Variants in TENT4A observed in about 807,000 individuals in gnomAD.
TENT4A encodes the protein DNA polymerase kappa.
TENT4A carries 7 observed loss-of-function variants against 72.8 expected under a neutral mutation model. The ratio of observed to expected loss-of-function variants is 0.10; its 90% CI spans 0.05 to 0.18. The LOEUF (loss-of-function observed/expected upper bound fraction) is 0.18, where lower values mean the gene tolerates loss of function less well. TENT4A is among the 10% of genes least tolerant of loss of function. The pLI, the probability that TENT4A is intolerant of heterozygous loss-of-function variation, is 1.00. For synonymous variants in TENT4A, 456 were observed against 434.3 expected (o/e 1.05, Z -0.62); for missense variants, 831 against 1,017.7 (o/e 0.82, Z 2.50).
chr5:6,717,385 T>C (rs1241502977), intron 1 of TENT4A, among the ~76,000 whole-genome samples: 3 of 152,368 alleles, frequency 2.0e-5, no homozygotes, highest in Non-Finnish European at 4.4e-5. Flanking sequence ...GAGCCTGCTG[T>C]GGAGCATTGG....
chr5:6,716,375 C>G (rs1579444050), intron 1 of TENT4A, among the ~76,000 whole-genome samples: 2 of 152,170 alleles, frequency 1.3e-5, no homozygotes, highest in Non-Finnish European at 2.9e-5. Flanking sequence ...TGTGCAGGTC[C>G]CCTCTCACGC....
intron 4 of TENT4A, among the ~76,000 whole-genome samples, chr5:6,740,119 GT>G (rs1327727278): frequency 6.6e-6 from 1 of 152,164 alleles, no homozygotes; most frequent in Non-Finnish European, 1.5e-5. Flanking sequence ...ATATATGATT[GT>G]GTCTACTTGT....
Position 6,713,734 on chromosome 5 carries a change from G to A in TENT4A, c.-250G>A, listed in dbSNP as rs1421455411. The A allele has an allele frequency of 2.7e-5, 4 of 145,670 alleles. No homozygotes were observed. The highest frequency in any genetic ancestry group is 9.9e-5 in the African/African-American group (4 of 40,376). The allele number at this position is 145,670 out of a possible 1,614,324, so 9.0% of individuals were successfully genotyped here. Reference sequence around the variant, plus strand: ...GCAGCCGCCCGCTGGGACGCGCCAAGCGCCGGAGCCGCCCGCCGCGGCCTG... The same window carrying A: ...GCAGCCGCCCGCTGGGACGCGCCAAACGCCGGAGCCGCCCGCCGCGGCCTG... On this transcript the variant is annotated 5_prime_UTR_variant, in exon 1 of 13. Transcript: ENST00000230859.
At chr5:6,719,829 C>T (rs746660873) in intron 1 of TENT4A, among the ~76,000 whole-genome samples, 1 of 152,190 alleles carries the variant, frequency 6.6e-6, no homozygotes, top group Non-Finnish European at 1.5e-5. Flanking sequence ...AACATAAACT[C>T]AGAGGCTTAG....
rs1388051836 is a variant in TENT4A, at chr5:6,739,798, G to A, written c.954G>A (p.Leu318=). ...RPPLQLLEQA[L]RKHNVAEPCS... is the part of the protein sequence containing the mutation. ...CTTTACAGCTGCTGGAGCAAGCCCT[G>A]CGGAAGCACAACGTGGCTGAGCCGT... Residue 318 remains leucine, a synonymous_variant, in exon 4 of 13, where the codon CTG becomes CTA. Transcript: ENST00000230859. The A allele has an allele frequency of 6.2e-7, 1 of 1,614,214 alleles. No individual in the cohort carries two copies. The highest frequency in any genetic ancestry group is 1.7e-5 in the Admixed American group (1 of 60,032).
chr5:6,732,007 C>A (rs880993), intron 1 of TENT4A, among the ~76,000 whole-genome samples: 1 of 152,126 alleles, frequency 6.6e-6, no homozygotes, highest in East Asian at 1.9e-4. Context: ...CTTTTTTGCC[C>A]TTTAGTTCCT....
intron 1 of TENT4A, among the ~76,000 whole-genome samples, chr5:6,731,058 G>A (rs1321903458): frequency 1.3e-5 from 2 of 152,142 alleles, no homozygotes; most frequent in Non-Finnish European, 2.9e-5. Context: ...TTGTTGTTTT[G>A]GTGTAATCGT....
At chr5:6,742,646 T>C in intron 5 of TENT4A, 49 bp downstream of exon 5, 2 of 1,076,134 alleles carry the variant, frequency 1.9e-6, no homozygotes, top group Non-Finnish European at 2.9e-6. Flanking sequence ...ACTGGAGTGC[T>C]TGTGCTTGGT....
At chr5:6,747,147 A>G (rs1742147944) in intron 7 of TENT4A, among the ~76,000 whole-genome samples, 2 of 152,176 alleles carry the variant, frequency 1.3e-5, no homozygotes, top group African/African-American at 4.8e-5. Context: ...ACAAATTTTG[A>G]TTGAGCGTCT....
In TENT4A at chr5:6,714,153, C is replaced by A; in HGVS notation, c.170C>A (p.Ala57Asp). The A allele has an allele frequency of 3.1e-6, 3 of 973,138 alleles. No individual in the cohort carries two copies. Among genetic ancestry groups the A allele is most frequent in the Non-Finnish European group, 3.6e-6 (3 of 824,512 alleles). 60.3% of individuals were successfully genotyped at this position (973,138 alleles called of 1,614,324 possible). ...ALDTAAAAGA[A>D]GRGSGGLGPA... is the part of the protein sequence containing the mutation. ...GACACGGCGGCCGCGGCGGGGGCGGCCGGGCGGGGCAGTGGCGGCCTGGGC... is the reference window on the plus strand; with the variant it reads ...GACACGGCGGCCGCGGCGGGGGCGGACGGGCGGGGCAGTGGCGGCCTGGGC... Residue 57 changes from alanine (A) to aspartate (D), a missense_variant, in exon 1 of 13, where the codon GCC (alanine) becomes GAC (aspartate). Ala to Asp is a moderately radical substitution (Grantham distance 126). Around this residue, in one of 3 missense-constraint regions of TENT4A, gnomAD observed 302 missense variants for 293.8 expected, o/e 1.03. Transcript: ENST00000230859.
intron 6 of TENT4A, 111 bp from the exon 7 acceptor site, chr5:6,746,103 A>G: frequency 6.4e-7 from 1 of 1,565,324 alleles, no homozygotes; most frequent in Non-Finnish European, 8.6e-7. Context: ...AGCGAGTGCC[A>G]CTCACTGGTA....
chr5:6,742,103 C>T (rs951399729), intron 4 of TENT4A, among the ~76,000 whole-genome samples: 1 of 152,146 alleles, frequency 6.6e-6, no homozygotes, highest in South Asian at 2.1e-4. Flanking sequence ...AAAATGGCTT[C>T]GAAGTTACAT....
intron 1 of TENT4A, 132 bp from the exon 2 acceptor site, chr5:6,737,378 C>T (rs1741561280): frequency 2.6e-6 from 2 of 777,770 alleles, no homozygotes; most frequent in South Asian, 3.6e-5. Context: ...TCATTTTATA[C>T]TTTCAGAGGA....
chr5:6,747,165 G>A (rs1363468262), intron 7 of TENT4A, among the ~76,000 whole-genome samples: 1 of 152,198 alleles, frequency 6.6e-6, no homozygotes, highest in Non-Finnish European at 1.5e-5. Context: ...TCTGTTAGGT[G>A]AGATACCATT....
At chr5:6,722,328 C>T (rs573544984) in intron 1 of TENT4A, among the ~76,000 whole-genome samples, 107 of 152,238 alleles carry the variant, frequency 7.0e-4, no homozygotes, top group Middle Eastern at 6.8e-3. Context: ...AAAATTAAGT[C>T]CTTCTTGCCA....
intron 12 of TENT4A, 57 bp downstream of exon 12, chr5:6,753,094 G>T: frequency 6.8e-7 from 1 of 1,473,400 alleles, no homozygotes; most frequent in African/African-American, 1.4e-5. Context: ...GTGAGAGGCG[G>T]TGCTAAATGT....
At chr5:6,745,424 G>T (rs1440411646) in intron 6 of TENT4A, among the ~76,000 whole-genome samples, 2 of 152,200 alleles carry the variant, frequency 1.3e-5, no homozygotes, top group African/African-American at 2.4e-5. Context: ...TTCTGTGATG[G>T]TGATGGCCAC....
intron 1 of TENT4A, among the ~76,000 whole-genome samples, chr5:6,727,572 T>G (rs1740996511): frequency 6.6e-6 from 1 of 152,204 alleles, no homozygotes; most frequent in African/African-American, 2.4e-5. Context: ...GGCCCTGTCC[T>G]GCTGTCCATT....
chr5:6,714,763 T>TCCTGGCCG, intron 1 of TENT4A, 64 bp downstream of exon 1: 726 of 936,770 alleles, frequency 7.8e-4, no homozygotes, highest in Non-Finnish European at 9.2e-4. Context: ...GCGCCCGCGG[T>TCCTGGCCG]GCAGACACCC....
Sources: gnomAD v4.1 joint callset for allele counts (sites outside exome capture counted in the v4.1 genomes callset) on GRCh38, gnomAD v4.1.1 for gene constraint, gnomAD v4.1.1 regional missense constraint, MANE v1.5 for transcripts, NCBI Gene and HGNC (gene_info 2026-07-23, HGNC 2026-07-21) for gene names.